Variants in CSMD1 observed in about 807,000 individuals in gnomAD.
The protein encoded by CSMD1 is CUB and Sushi multiple domains 1.
In CSMD1, 213 loss-of-function variants were observed where a neutral mutation model predicts 417.5. The ratio of observed to expected loss-of-function variants is 0.51; its 90% confidence interval spans 0.46 to 0.57. The LOEUF is 0.57. Among genes scored for constraint, CSMD1 ranks in the 20% least tolerant of loss-of-function variants. CSMD1 has a pLI of 0.00. For missense variants in CSMD1, 6,923 were observed against 4,529.7 expected (o/e 1.53, Z -15.17); for synonymous variants, 2,862 against 1,736.8 (o/e 1.65, Z -16.11).
intron 6 of CSMD1, among the ~76,000 whole-genome samples, chr8:3,709,527 T>G (rs1230333728): frequency 6.6e-6 from 1 of 151,882 alleles, no homozygotes; most frequent in Non-Finnish European, 1.5e-5. Context: ...GATATTAACA[T>G]TTGAATCAGC....
intron 23 of CSMD1, among the ~76,000 whole-genome samples, chr8:3,340,610 T>A (rs1284482420): frequency 6.6e-6 from 1 of 152,138 alleles, no homozygotes; most frequent in African/African-American, 2.4e-5. Flanking sequence ...ATCTAACCGG[T>A]CATCATTTCT....
chr8:3,158,534 C>G (rs927372908), intron 38 of CSMD1, among the ~76,000 whole-genome samples: 2 of 152,052 alleles, frequency 1.3e-5, no homozygotes, highest in Non-Finnish European at 2.9e-5. Flanking sequence ...TCACAACAAC[C>G]TGCCTGCAAT....
intron 68 of CSMD1, among the ~76,000 whole-genome samples, chr8:2,945,632 C>T (rs528263084): frequency 6.6e-6 from 1 of 152,266 alleles, no homozygotes; most frequent in Non-Finnish European, 1.5e-5. Flanking sequence ...CAATCATTAT[C>T]GTACGAGGGT....
At chr8:3,188,113 A>G (rs1405577254) in intron 35 of CSMD1, 148 bp from the exon 36 acceptor site, 1 of 272,522 alleles carries the variant, frequency 3.7e-6, no homozygotes, top group African/African-American at 2.3e-5. Context: ...TATACACCTT[A>G]ATAATGCCTC....
intron 26 of CSMD1, among the ~76,000 whole-genome samples, chr8:3,230,503 C>G (rs553847251): frequency 1.3e-5 from 2 of 152,220 alleles, no homozygotes; most frequent in East Asian, 3.9e-4. Flanking sequence ...ACAAAAATTA[C>G]ATTATCCTTA....
At chr8:3,105,999 G>T (rs1231980021) in intron 46 of CSMD1, among the ~76,000 whole-genome samples, 1 of 152,074 alleles carries the variant, frequency 6.6e-6, no homozygotes, top group Non-Finnish European at 1.5e-5. Context: ...ATTTGATATG[G>T]CCTTGGTTTA....
At chr8:3,372,359 T>C (rs1231200938) in intron 18 of CSMD1, among the ~76,000 whole-genome samples, 3 of 152,078 alleles carry the variant, frequency 2.0e-5, no homozygotes, top group African/African-American at 2.4e-5. Flanking sequence ...TTCAGTGACA[T>C]GATGGGGCAC....
At chr8:4,382,092 A>T (rs1803142443) in intron 3 of CSMD1, among the ~76,000 whole-genome samples, 1 of 152,218 alleles carries the variant, frequency 6.6e-6, no homozygotes, top group East Asian at 1.9e-4. Context: ...TTCTTGACAC[A>T]TAGCACTGTA....
chr8:4,949,012 G>C (rs1488450670), intron 1 of CSMD1, among the ~76,000 whole-genome samples: 2 of 152,016 alleles, frequency 1.3e-5, no homozygotes, highest in African/African-American at 4.8e-5. Context: ...TTCTTTGTTT[G>C]CTAAATGTCT....
At position 4,444,981 on chromosome 8, in the gene CSMD1, T is replaced by C. The variant is rs558910342; in HGVS notation, c.303-24916A>G. Among the ~76,000 whole-genome samples, 13 of 152,318 alleles carry C rather than the reference T, an allele frequency of 8.5e-5. No homozygotes were observed. The East Asian group carries it at 1.9e-3, about 23-fold the overall frequency. On this transcript the variant is annotated intron_variant, in intron 2 of 69. Coordinates refer to ENST00000635120, the MANE Select transcript of CSMD1 (RefSeq NM_033225.6). Reference sequence around the variant, plus strand: ...CTCCACTGTGTTAAAGAAATGTTATTTCCCTTCTCTTGCATTTGATTTTCA... The same window carrying C: ...CTCCACTGTGTTAAAGAAATGTTATCTCCCTTCTCTTGCATTTGATTTTCA...
intron 1 of CSMD1, among the ~76,000 whole-genome samples, chr8:4,648,603 G>T (rs148204888): frequency 6.6e-6 from 1 of 152,054 alleles, no homozygotes; most frequent in African/African-American, 2.4e-5. Context: ...TTGCACAGTG[G>T]CTGCATGGAT....
intron 2 of CSMD1, among the ~76,000 whole-genome samples, chr8:4,447,192 A>C (rs1347671809): frequency 6.6e-6 from 1 of 152,222 alleles, no homozygotes; most frequent in Non-Finnish European, 1.5e-5. Context: ...CCCAATTATT[A>C]TGGATAAGGG....
At chr8:3,529,139 T>C (rs1283766323) in intron 10 of CSMD1, among the ~76,000 whole-genome samples, 3 of 152,200 alleles carry the variant, frequency 2.0e-5, no homozygotes, top group African/African-American at 7.2e-5. Flanking sequence ...AAATATCCAA[T>C]TGTGTAGTAA....
chr8:4,195,280 G>C (rs1799264445), intron 3 of CSMD1, among the ~76,000 whole-genome samples: 1 of 152,064 alleles, frequency 6.6e-6, no homozygotes. Flanking sequence ...CTTTCACCCA[G>C]GCAGTTCCAC....
At chr8:4,018,399 C>T (rs898733660) in intron 4 of CSMD1, among the ~76,000 whole-genome samples, 1 of 152,154 alleles carries the variant, frequency 6.6e-6, no homozygotes, top group African/African-American at 2.4e-5. Flanking sequence ...CAACTTCCTG[C>T]CTCGATTCCT....
At chr8:4,497,695 A>G (rs374688337) in intron 2 of CSMD1, among the ~76,000 whole-genome samples, 47 of 152,318 alleles carry the variant, frequency 3.1e-4, no homozygotes, top group African/African-American at 1.1e-3. Context: ...AAGGCAGAGC[A>G]TAAATAGTGT....
chr8:4,088,911 C>G (rs1194479554), intron 3 of CSMD1, among the ~76,000 whole-genome samples: 1 of 152,106 alleles, frequency 6.6e-6, no homozygotes, highest in South Asian at 2.1e-4. Flanking sequence ...TTTTTATATT[C>G]AGCGAAAAAG....
chr8:3,603,989 T>C (rs1009228718), intron 8 of CSMD1, among the ~76,000 whole-genome samples: 9 of 152,218 alleles, frequency 5.9e-5, no homozygotes, highest in Admixed American at 2.0e-4. Context: ...AAATTTTGCA[T>C]ACTGAATCAA....
chr8:4,220,085 G>A (rs1234624850), intron 3 of CSMD1, among the ~76,000 whole-genome samples: 1 of 152,146 alleles, frequency 6.6e-6, no homozygotes, highest in Admixed American at 6.6e-5. Flanking sequence ...GAGTACCTGT[G>A]ATTACAGGCA....
Sources: gnomAD v4.1 joint callset for allele counts (sites outside exome capture counted in the v4.1 genomes callset) on GRCh38, gnomAD v4.1.1 for gene constraint, MANE v1.5 for transcripts, NCBI Gene and HGNC (gene_info 2026-07-23, HGNC 2026-07-21) for gene names.